Variants in ARID1B observed in about 807,000 individuals in gnomAD.
ARID1B encodes the protein AT-rich interaction domain 1B, also known as AT-rich interactive domain-containing protein 1B.
In ARID1B, 30 loss-of-function variants were observed where a neutral mutation model predicts 212.3. The observed-to-expected ratio is 0.14, with a 90% CI of 0.11 to 0.19. ARID1B has a LOEUF of 0.19. Ranked by LOEUF, ARID1B falls within the 10% of genes least tolerant of loss-of-function variation. The probability of loss-of-function intolerance (pLI) is 1.00; values close to 1 mark genes in which losing one functional copy is unlikely to be tolerated. For synonymous variants in ARID1B, 1,402 were observed against 1,301.7 expected, an observed-to-expected ratio of 1.08 and a Z score of -1.66; for missense variants, 2,891 against 3,204.0, an observed-to-expected ratio of 0.90 and a Z score of 2.36.
chr6:157,069,549 G>A (rs953533994), intron 4 of ARID1B, among the ~76,000 whole-genome samples: 8 of 152,184 alleles, frequency 5.3e-5, no homozygotes. Flanking sequence ...TGTAAAGTGA[G>A]GCCTCTCTCA....
At chr6:157,204,087 G>A in intron 19 of ARID1B, 91 bp downstream of exon 19, 1 of 1,517,102 alleles carries the variant, frequency 6.6e-7, no homozygotes, top group Non-Finnish European at 9.1e-7. Flanking sequence ...CTGAGTTGAT[G>A]AGCACTGACC....
intron 8 of ARID1B, among the ~76,000 whole-genome samples, chr6:157,162,476 T>G (rs1791008400): frequency 6.6e-6 from 1 of 152,134 alleles, no homozygotes; most frequent in Non-Finnish European, 1.5e-5. Context: ...AAGGAAAAAG[T>G]AAAAAAGTTG....
At chr6:157,044,340 T>TAATC (rs1562573736) in intron 4 of ARID1B, among the ~76,000 whole-genome samples, 1 of 151,802 alleles carries the variant, frequency 6.6e-6, no homozygotes, top group African/African-American at 2.4e-5. Flanking sequence ...GGCAGTGACT[T>TAATC]AAATTTGAGC....
At chr6:156,976,148 T>A (rs1696005682) in intron 4 of ARID1B, 1 of 152,696 alleles carries the variant, frequency 6.5e-6, no homozygotes, top group African/African-American at 2.4e-5. Context: ...AATGGTGGAA[T>A]GGCATCAGTT....
At chr6:156,930,955 C>T (rs1218445386) in intron 3 of ARID1B, among the ~76,000 whole-genome samples, 2 of 152,074 alleles carry the variant, frequency 1.3e-5, no homozygotes, top group Non-Finnish European at 2.9e-5. Flanking sequence ...CTTTGGGAGG[C>T]CAAGGCGGGC....
chr6:156,912,601 C>T (rs1789984478), intron 3 of ARID1B, among the ~76,000 whole-genome samples: 1 of 152,168 alleles, frequency 6.6e-6, no homozygotes, highest in African/African-American at 2.4e-5. Flanking sequence ...GGCTTAAGCC[C>T]TGCCCCTCAC....
chr6:156,987,420 TCC>T (rs1170123855), intron 4 of ARID1B, among the ~76,000 whole-genome samples: 1 of 151,684 alleles, frequency 6.6e-6, no homozygotes, highest in African/African-American at 2.4e-5. Context: ...AAGCTCTGCC[TCC>T]CGGGTTCGCG....
chr6:156,885,019 A>G (rs944009549), intron 2 of ARID1B, among the ~76,000 whole-genome samples: 2 of 152,236 alleles, frequency 1.3e-5, no homozygotes, highest in Non-Finnish European at 2.9e-5. Flanking sequence ...TGACATATAC[A>G]GTGTATCTTT....
In ARID1B at chr6:157,156,485, G is replaced by A. The variant is rs573449870; in HGVS notation, c.3089+7534G>A. Among the ~76,000 whole-genome samples, 4 of 152,280 alleles carry A rather than the reference G, an allele frequency of 2.6e-5. No individual in the cohort carries two copies. The South Asian group carries it at 8.3e-4, about 32-fold the overall frequency. On this transcript the variant is annotated intron_variant, in intron 8 of 19. Transcript: ENST00000636930. ...AGAACTATTATGGAAGCCATAAAGT[G>A]CATTTATAAATCATCAAATCAAAAA...
intron 5 of ARID1B, among the ~76,000 whole-genome samples, chr6:157,109,654 A>G (rs1786755613): frequency 6.6e-6 from 1 of 152,220 alleles, no homozygotes; most frequent in Non-Finnish European, 1.5e-5. Flanking sequence ...TTAAATTTCA[A>G]AATCTCATCT....
At chr6:156,781,453 TAGAG>T (rs1013176640) in intron 1 of ARID1B, among the ~76,000 whole-genome samples, 49 of 152,132 alleles carry the variant, frequency 3.2e-4, no homozygotes, top group Admixed American at 3.3e-4. Flanking sequence ...CCTAATCTGT[TAGAG>T]AGGAACAACA....
chr6:157,086,132 C>T (rs1382882666), intron 5 of ARID1B, among the ~76,000 whole-genome samples: 4 of 152,288 alleles, frequency 2.6e-5, no homozygotes, highest in South Asian at 2.1e-4. Flanking sequence ...AGTAGGATAG[C>T]GGCATAAGCC....
At chr6:156,929,289 T>A (rs1301897193) in intron 3 of ARID1B, among the ~76,000 whole-genome samples, 1 of 152,236 alleles carries the variant, frequency 6.6e-6, no homozygotes, top group African/African-American at 2.4e-5. Flanking sequence ...TGTATGGATT[T>A]ATATCGCTTT....
intron 4 of ARID1B, among the ~76,000 whole-genome samples, chr6:156,963,126 G>A (rs1200797763): frequency 2.6e-5 from 4 of 152,216 alleles, no homozygotes; most frequent in Middle Eastern, 6.8e-3. Context: ...AGTTTATTTT[G>A]GTAGGTTCTG....
rs73578060 is a variant in ARID1B at position 156,995,896 on chromosome 6, C to T, written c.2247+60320C>T. Among the ~76,000 whole-genome samples the T allele has an allele frequency of 9.8e-3, 1,488 of 152,242 alleles. 34 individuals are homozygous for T. Among genetic ancestry groups the T allele is most frequent in the African/African-American group, 0.033 (1,382 of 41,528 alleles). ...ATTACATGGAACATATTACATAGGA[C>T]ATGTTACTCAATCTGGCAACCCTAT... On this transcript the variant is annotated intron_variant, in intron 4 of 19. Transcript: ENST00000636930.
At chr6:157,181,343 C>T (rs1482597143) in intron 12 of ARID1B, among the ~76,000 whole-genome samples, 165 bp downstream of exon 12, 1 of 152,142 alleles carries the variant, frequency 6.6e-6, no homozygotes, top group Non-Finnish European at 1.5e-5. Context: ...TCAGGGAGCA[C>T]TGGGGGACCC....
intron 7 of ARID1B, chr6:157,140,772 C>T: frequency 2.5e-6 from 1 of 397,238 alleles, no homozygotes; most frequent in Non-Finnish European, 4.4e-6. Flanking sequence ...TGGGGTCCGC[C>T]TCTGACGTTA....
At chr6:156,943,148 T>G (rs1021728365) in intron 4 of ARID1B, 5 of 152,232 alleles carry the variant, frequency 3.3e-5, no homozygotes, top group African/African-American at 1.2e-4. Context: ...TCTCATCTTT[T>G]TCTTTTGCCT....
intron 6 of ARID1B, among the ~76,000 whole-genome samples, chr6:157,121,730 C>T (rs919457441): frequency 2.8e-5 from 4 of 144,052 alleles, no homozygotes; most frequent in Non-Finnish European, 6.0e-5. Flanking sequence ...CTCCTGGGTT[C>T]AAGCAGTTCT....
Sources: gnomAD v4.1 joint callset for allele counts (sites outside exome capture counted in the v4.1 genomes callset) on GRCh38, gnomAD v4.1.1 for gene constraint, MANE v1.5 for transcripts, NCBI Gene and HGNC (gene_info 2026-07-23, HGNC 2026-07-21) for gene names.